Variants in RYR2 observed in about 807,000 individuals in gnomAD.
RYR2 encodes cardiac muscle ryanodine receptor-calcium release channel.
In RYR2, 227 loss-of-function variants were observed where a neutral mutation model predicts 601.1. The observed-to-expected ratio is 0.38, with a 90% CI of 0.34 to 0.42. The LOEUF (loss-of-function observed/expected upper bound fraction) is 0.42. Ranked by LOEUF, RYR2 falls within the 10% of genes least tolerant of loss-of-function variation. RYR2 has a pLI of 1.00. For synonymous variants in RYR2, 2,223 were observed against 2,175.1 expected (o/e 1.02, Z -0.61); for missense variants, 4,646 against 6,156.5 (o/e 0.75, Z 8.21).
chr1:237,385,012 C>T (rs1418891478), intron 8 of RYR2, among the ~76,000 whole-genome samples: 1 of 152,056 alleles, frequency 6.6e-6, no homozygotes, highest in African/African-American at 2.4e-5. Flanking sequence ...GCCTCAGCCT[C>T]CTGAGTAACT....
In RYR2 at chr1:237,296,917, C is replaced by T. The variant is rs541581251; in HGVS notation, c.168+26301C>T. Among the ~76,000 whole-genome samples, 77 of 152,208 alleles carry T rather than the reference C, an allele frequency of 5.1e-4. 2 individuals are homozygous for T. The South Asian group carries it at 0.016, about 31-fold the overall frequency. On this transcript the variant is annotated intron_variant, in intron 2 of 104. Coordinates refer to ENST00000366574, the MANE Select transcript of RYR2 (RefSeq NM_001035.3). ...ACAATGGGCTATTCATTTAATAGTG[C>T]ATTAGTACATATTCGTTTAATATGG...
In RYR2 at chr1:237,705,217, C is replaced by T. The variant is rs181105904; in HGVS notation, c.9454C>T (p.Arg3152Cys). Residue 3152 changes from arginine (R) to cysteine (C), a missense_variant, in exon 67 of 105, where the codon CGT becomes TGT. Arg to Cys is a radical substitution (Grantham distance 180, BLOSUM62 -3). Transcript: ENST00000366574. ...ATAAGCATTTTCCACTTATAGGCAA[C>T]GTTCTGCATTAGGAGAATGTCTAGC... is the stretch of plus-strand genomic sequence containing the variant. ...TSKSIYVERQRSALGECLAAF... is the reference protein window; with the variant it reads ...TSKSIYVERQCSALGECLAAF... 4.1e-5 allele frequency: 66 copies of T among 1,607,032 alleles called. No homozygotes were observed. The highest frequency in any genetic ancestry group is 1.7e-4 in the Middle Eastern group (1 of 6,054).
chr1:237,564,462 A>C (rs753576145), intron 27 of RYR2, among the ~76,000 whole-genome samples: 18 of 151,920 alleles, frequency 1.2e-4, no homozygotes, highest in Non-Finnish European at 2.2e-4. Flanking sequence ...TAGAGATGGG[A>C]TTTCACCATG....
At chr1:237,601,009 C>A (rs1359985284) in intron 34 of RYR2, among the ~76,000 whole-genome samples, 1 of 151,950 alleles carries the variant, frequency 6.6e-6, no homozygotes, top group East Asian at 1.9e-4. Context: ...ATGAATATAC[C>A]CATTATGAAA....
At chr1:237,369,702 G>T (rs947649042) in intron 6 of RYR2, 94 bp downstream of exon 6, 2 of 939,792 alleles carry the variant, frequency 2.1e-6, no homozygotes, top group African/African-American at 3.3e-5. Flanking sequence ...TTCTGCAATG[G>T]TATTAATGAG....
At chr1:237,410,235 G>T (rs904361808) in intron 10 of RYR2, among the ~76,000 whole-genome samples, 2 of 152,108 alleles carry the variant, frequency 1.3e-5, no homozygotes, top group Non-Finnish European at 2.9e-5. Context: ...TGCCCCAGCT[G>T]TTCTTTCATG....
intron 10 of RYR2, among the ~76,000 whole-genome samples, chr1:237,412,900 G>A (rs1410054592): frequency 6.6e-6 from 1 of 152,088 alleles, no homozygotes; most frequent in African/African-American, 2.4e-5. Context: ...AAACTTGTTG[G>A]TCTTTAGAAC....
chr1:237,472,878 C>T (rs571341941), intron 17 of RYR2, among the ~76,000 whole-genome samples: 3 of 151,986 alleles, frequency 2.0e-5, no homozygotes, highest in Non-Finnish European at 2.9e-5. Flanking sequence ...TTCTCTAGGA[C>T]AGGGAATTGC....
At chr1:237,452,880 T>A (rs1329201400) in intron 14 of RYR2, among the ~76,000 whole-genome samples, 1 of 151,848 alleles carries the variant, frequency 6.6e-6, no homozygotes, top group Non-Finnish European at 1.5e-5. Context: ...TTTTAGAAGT[T>A]TGGACAACAT....
intron 1 of RYR2, among the ~76,000 whole-genome samples, chr1:237,230,111 G>A (rs1240378149): frequency 6.6e-6 from 1 of 152,108 alleles, no homozygotes; most frequent in Non-Finnish European, 1.5e-5. Flanking sequence ...AAAATAACTA[G>A]AATTAATCAT....
Position 237,161,241 on chromosome 1 carries a change from G to A in RYR2, c.49-109256G>A, listed in dbSNP as rs1675973325. Among the ~76,000 whole-genome samples the A allele has an allele frequency of 3.9e-5, 6 of 152,042 alleles. No individual in the cohort carries two copies. The South Asian group carries it at 1.2e-3, about 32-fold the overall frequency. On this transcript the variant is annotated intron_variant, in intron 1 of 104. Transcript: ENST00000366574. ...TTTACTTCTTACAACAAACAGGATGGATTTGAAGCACTCTTTTCTAATGAT... is the reference window on the plus strand; with the variant it reads ...TTTACTTCTTACAACAAACAGGATGAATTTGAAGCACTCTTTTCTAATGAT...
At chr1:237,427,782 CAAAAAAAAAAAAAAAA>C (rs57614793) in intron 12 of RYR2, among the ~76,000 whole-genome samples, 31 of 56,220 alleles carry the variant, frequency 5.5e-4, no homozygotes, top group African/African-American at 2.0e-3. Context: ...GACTCTGCCT[CAAAAAAAAAAAAAAAA>C]AAAAAAAAAA....
chr1:237,419,906 T>C (rs760312839), intron 11 of RYR2, among the ~76,000 whole-genome samples: 6 of 152,202 alleles, frequency 3.9e-5, no homozygotes, highest in Non-Finnish European at 8.8e-5. Context: ...GCCACATAAT[T>C]ACTAATTTTG....
intron 22 of RYR2, among the ~76,000 whole-genome samples, chr1:237,505,198 T>C (rs1327075714): frequency 6.6e-6 from 1 of 152,204 alleles, no homozygotes; most frequent in Non-Finnish European, 1.5e-5. Context: ...ATAGATACCA[T>C]ATTACTTGGC....
At chr1:237,060,512 C>G (rs1662703511) in intron 1 of RYR2, among the ~76,000 whole-genome samples, 1 of 152,202 alleles carries the variant, frequency 6.6e-6, no homozygotes, top group South Asian at 2.1e-4. Flanking sequence ...AACTACCACT[C>G]ACATTAATGC....
At chr1:237,471,615 A>C (rs1660731512) in intron 17 of RYR2, among the ~76,000 whole-genome samples, 1 of 152,180 alleles carries the variant, frequency 6.6e-6, no homozygotes, top group South Asian at 2.1e-4. Flanking sequence ...TGCACAGCGA[A>C]ATGCTTAACT....
At chr1:237,552,652 TGTA>T (rs1670518618) in intron 27 of RYR2, among the ~76,000 whole-genome samples, 1 of 152,026 alleles carries the variant, frequency 6.6e-6, no homozygotes, top group Non-Finnish European at 1.5e-5. Context: ...ATTTTTTATA[TGTA>T]GTTTCTTTTG....
At chr1:237,309,631 ACTC>A (rs1351950596) in intron 2 of RYR2, among the ~76,000 whole-genome samples, 1 of 152,060 alleles carries the variant, frequency 6.6e-6, no homozygotes, top group Non-Finnish European at 1.5e-5. Flanking sequence ...GTGTGCCCAC[ACTC>A]CTCAGCCCTT....
At chr1:237,344,592 T>A (rs1277570853) in intron 3 of RYR2, among the ~76,000 whole-genome samples, 1 of 152,186 alleles carries the variant, frequency 6.6e-6, no homozygotes, top group Non-Finnish European at 1.5e-5. Context: ...AACACTTTCA[T>A]GAAGCTCCCA....
Sources: allele counts gnomAD v4.1 joint callset (sites outside exome capture counted in the v4.1 genomes callset), GRCh38; gene constraint gnomAD v4.1.1; transcripts MANE v1.5; gene names NCBI Gene and HGNC (gene_info 2026-07-23, HGNC 2026-07-21).